Variants in TAFA5 observed in about 807,000 individuals in gnomAD.
TAFA5 encodes the protein chemokine-like protein TAFA-5.
A neutral mutation model predicts 15.3 loss-of-function variants in TAFA5; 6 were observed. The observed-to-expected ratio is 0.39, with a 90% CI of 0.21 to 0.77. TAFA5 has a LOEUF of 0.77. Ranked by LOEUF, TAFA5 falls within the 30% of genes least tolerant of loss-of-function variation. The probability of loss-of-function intolerance (pLI) is 0.41; values close to 1 mark genes in which losing one functional copy is unlikely to be tolerated. For missense variants in TAFA5, 161 were observed against 193.1 expected, an observed-to-expected ratio of 0.83 and a Z score of 0.98; for synonymous variants, 103 against 80.7, an observed-to-expected ratio of 1.28 and a Z score of -1.48.
intron 3 of TAFA5, among the ~76,000 whole-genome samples, chr22:48,737,902 T>C (rs1930076633): frequency 6.6e-6 from 1 of 151,696 alleles, no homozygotes; most frequent in Non-Finnish European, 1.5e-5. Flanking sequence ...AGATGCTGAG[T>C]GATGAGTGAG....
chr22:48,561,189 G>A lies in TAFA5; in HGVS notation c.112+71485G>A, dbSNP rs566609709. On this transcript the variant is annotated intron_variant, in intron 1 of 3. Transcript: ENST00000402357. ...CTGGGCTGATGACATCCCACATCTC[G>A]GATCCACTCTGCTCTGTGGCTCTGG... 1.6e-4 allele frequency among the ~76,000 whole-genome samples: 24 copies of A among 152,228 alleles called. No individual in the cohort carries two copies. In the South Asian group the frequency reaches 4.2e-3, roughly 26 times the overall value.
At chr22:48,650,837 C>T (rs944445613) in intron 2 of TAFA5, among the ~76,000 whole-genome samples, 1 of 152,166 alleles carries the variant, frequency 6.6e-6, no homozygotes, top group Non-Finnish European at 1.5e-5. Flanking sequence ...GAGGCAGGCA[C>T]CCAGGTGCGT....
At chr22:48,604,776 G>T (rs1219556093) in intron 1 of TAFA5, among the ~76,000 whole-genome samples, 1 of 152,162 alleles carries the variant, frequency 6.6e-6, no homozygotes, top group African/African-American at 2.4e-5. Context: ...GGATTGAGGG[G>T]CCCAGGGCAG....
At chr22:48,633,578 CTG>C (rs371127332) in intron 1 of TAFA5, among the ~76,000 whole-genome samples, 1 of 150,210 alleles carries the variant, frequency 6.7e-6, no homozygotes. Flanking sequence ...ATGCTTTGCT[CTG>C]TATCTCTCTC....
chr22:48,702,206 A>G (rs1014378525), intron 2 of TAFA5, among the ~76,000 whole-genome samples: 6 of 152,094 alleles, frequency 3.9e-5, no homozygotes, highest in African/African-American at 1.2e-4. Flanking sequence ...CTGTGTCTAC[A>G]TATGTGAATG....
intron 1 of TAFA5, among the ~76,000 whole-genome samples, chr22:48,539,683 AT>A (rs2147118082): frequency 6.6e-6 from 1 of 152,308 alleles, no homozygotes; most frequent in Non-Finnish European, 1.5e-5. Flanking sequence ...CTATGAGCAA[AT>A]GAAGAAATAT....
intron 1 of TAFA5, among the ~76,000 whole-genome samples, chr22:48,592,770 C>T (rs908885240): frequency 1.4e-4 from 21 of 152,148 alleles, no homozygotes; most frequent in Non-Finnish European, 2.4e-4. Flanking sequence ...CCTGTGCTCC[C>T]GAGAAACCGA....
intron 1 of TAFA5, among the ~76,000 whole-genome samples, chr22:48,623,199 A>G (rs1925902047): frequency 6.6e-6 from 1 of 151,400 alleles, no homozygotes; most frequent in Non-Finnish European, 1.5e-5. Flanking sequence ...CAGCAGCCGC[A>G]GCCTGTTGCG....
chr22:48,744,743 C>A (rs555833835), intron 3 of TAFA5, among the ~76,000 whole-genome samples: 1 of 152,124 alleles, frequency 6.6e-6, no homozygotes, highest in Non-Finnish European at 1.5e-5. Context: ...AGGCAGGGGG[C>A]GGGTTCCTTT....
intron 3 of TAFA5, among the ~76,000 whole-genome samples, chr22:48,737,849 C>G (rs769791905): frequency 5.9e-5 from 9 of 152,174 alleles, no homozygotes; most frequent in Non-Finnish European, 1.3e-4. Context: ...CAGGGAGCTG[C>G]AGCCTCTGAG....
chr22:48,537,678 G>A (rs2147116752), intron 1 of TAFA5, among the ~76,000 whole-genome samples: 1 of 152,272 alleles, frequency 6.6e-6, no homozygotes, highest in East Asian at 1.9e-4. Flanking sequence ...AGCAGGCACT[G>A]CAGCCAGGGT....
In TAFA5 at chr22:48,619,516, C is replaced by T. The variant is rs563180172; in HGVS notation, c.113-27081C>T. On this transcript the variant is annotated intron_variant, in intron 1 of 3. Coordinates refer to ENST00000402357, the MANE Select transcript of TAFA5 (RefSeq NM_001082967.3). Reference sequence around the variant, plus strand: ...GACTACAGGTGCCCACCACCACACCCAGCTAATTTTTGTATTTTTAGTAGA... The same window carrying T: ...GACTACAGGTGCCCACCACCACACCTAGCTAATTTTTGTATTTTTAGTAGA... Among the ~76,000 whole-genome samples the T allele has an allele frequency of 2.0e-4, 31 of 152,030 alleles. No individual in the cohort carries two copies. In the South Asian group the frequency reaches 4.8e-3, roughly 23 times the overall value.
intron 1 of TAFA5, among the ~76,000 whole-genome samples, chr22:48,507,116 C>CAAT (rs1921019797): frequency 6.6e-6 from 1 of 151,062 alleles, no homozygotes; most frequent in Non-Finnish European, 1.5e-5. Context: ...AAGGAGGTGG[C>CAAT]CGCCAAGGGC....
intron 1 of TAFA5, among the ~76,000 whole-genome samples, chr22:48,512,944 AG>A (rs1398745616): frequency 5.5e-3 from 444 of 80,314 alleles, no homozygotes; most frequent in African/African-American, 0.018. Flanking sequence ...AAAAAAAAAA[AG>A]AGAGAGAGAG....
At position 48,560,435 on chromosome 22, in the gene TAFA5, C is replaced by A. The variant is rs1432416377; in HGVS notation, c.112+70731C>A. On this transcript the variant is annotated intron_variant, in intron 1 of 3. Coordinates refer to ENST00000402357, the MANE Select transcript of TAFA5 (RefSeq NM_001082967.3). This position sits in a 1 kb window ranked among gnomAD's most constrained non-coding sequence, Gnocchi z 4.2. ...AGCACCAAGGGTGCAGGTAGGCCAT[C>A]AGGGCCTGGGGCCAGCCCGGGCAAG... 1.3e-5 allele frequency among the ~76,000 whole-genome samples: 2 copies of A among 152,170 alleles called. No individual in the cohort carries two copies. Among genetic ancestry groups the A allele is most frequent in the African/African-American group, 4.8e-5 (2 of 41,440 alleles).
At chr22:48,657,396 C>T (rs1569067026) in intron 2 of TAFA5, among the ~76,000 whole-genome samples, 1 of 152,092 alleles carries the variant, frequency 6.6e-6, no homozygotes, top group Non-Finnish European at 1.5e-5. Flanking sequence ...CAAAACTTCC[C>T]AACAAGAAAA....
chr22:48,522,390 G>T (rs958781933), intron 1 of TAFA5, among the ~76,000 whole-genome samples: 1 of 152,048 alleles, frequency 6.6e-6, no homozygotes, highest in African/African-American at 2.4e-5. Flanking sequence ...GTCCGGAGGC[G>T]GCCACCTCCC....
rs371899757 is a variant in TAFA5, at chr22:48,744,297, C to G, written c.391-5542C>G. The stretch of plus-strand genomic sequence containing the variant: ...CTGTAGAGGGTGGCTGACTCAGGCT[C>G]CAAGGTGGGGGCCACAGACTGTGGT... On this transcript the variant is annotated intron_variant, in intron 3 of 3. Coordinates refer to ENST00000402357, the MANE Select transcript of TAFA5 (RefSeq NM_001082967.3). Among the ~76,000 whole-genome samples, 491 of 152,304 alleles carry G rather than the reference C, an allele frequency of 3.2e-3. 1 individual carries two copies. The highest frequency in any genetic ancestry group is 3.8e-3 in the Non-Finnish European group (256 of 68,030).
Position 48,558,019 on chromosome 22 carries a change from G to T in TAFA5, c.112+68315G>T, listed in dbSNP as rs143914427. Among the ~76,000 whole-genome samples, 31 of 152,264 alleles carry T rather than the reference G, an allele frequency of 2.0e-4. 1 individual carries two copies. Among genetic ancestry groups the T allele is most frequent in the African/African-American group, 7.2e-4 (30 of 41,546 alleles). On this transcript the variant is annotated intron_variant, in intron 1 of 3. Transcript: ENST00000402357. The stretch of plus-strand genomic sequence containing the variant: ...GCTCAGGCAGAGGCCCCAGTCTGAG[G>T]GGGGAGTGGTCTTGTTTCCCTCCCC...
Sources: allele counts gnomAD v4.1 joint callset (sites outside exome capture counted in the v4.1 genomes callset), GRCh38; gene constraint gnomAD v4.1.1; non-coding constraint Gnocchi (gnomAD v3.1); transcripts MANE v1.5; gene names NCBI Gene and HGNC (gene_info 2026-07-23, HGNC 2026-07-21).